Variants in PDE1C observed in about 807,000 individuals in gnomAD.
PDE1C encodes dual specificity calcium/calmodulin-dependent 3',5'-cyclic nucleotide phosphodiesterase 1C.
Under a neutral mutation model 93.1 loss-of-function variants are expected in PDE1C, and 62 were observed. The ratio of observed to expected loss-of-function variants is 0.67; its 90% CI spans 0.54 to 0.82. The LOEUF (loss-of-function observed/expected upper bound fraction) is 0.82. Ranked by LOEUF, PDE1C falls within the 40% of genes least tolerant of loss-of-function variation. The probability of loss-of-function intolerance (pLI) is 0.00; values close to 1 mark genes in which losing one functional copy is unlikely to be tolerated. For missense variants in PDE1C, 742 were observed against 884.6 expected (o/e 0.84, Z 2.04); for synonymous variants, 325 against 310.1 (o/e 1.05, Z -0.50).
At chr7:32,356,937 C>T (rs1381430100) in intron 1 of PDE1C, among the ~76,000 whole-genome samples, 1 of 151,932 alleles carries the variant, frequency 6.6e-6, no homozygotes, top group East Asian at 1.9e-4. Flanking sequence ...CTCGAGGGGA[C>T]ATGCTAGATG....
chr7:32,181,018 T>C (rs1178728455), intron 2 of PDE1C, among the ~76,000 whole-genome samples: 1 of 152,156 alleles, frequency 6.6e-6, no homozygotes, highest in Non-Finnish European at 1.5e-5. Flanking sequence ...ACTTTAAGGA[T>C]TGAAACTGGA....
At chr7:32,241,357 C>T (rs779318937) in intron 1 of PDE1C, among the ~76,000 whole-genome samples, 1 of 152,132 alleles carries the variant, frequency 6.6e-6, no homozygotes, top group Non-Finnish European at 1.5e-5. Flanking sequence ...GTACCTCATA[C>T]CCAAGTGAAG....
At chr7:31,657,261 T>C in the PDE1C span, among the ~76,000 whole-genome samples, 3 of 126,510 alleles carry the variant, frequency 2.4e-5, 1 homozygote, top group South Asian at 5.5e-4. Flanking sequence ...TCTGATTTCC[T>C]GATTTGTTAA....
chr7:31,975,932 A>G (rs546167692), intron 2 of PDE1C, among the ~76,000 whole-genome samples: 1 of 152,340 alleles, frequency 6.6e-6, no homozygotes. Flanking sequence ...AAAGTATCAC[A>G]ACTCAGGTTG....
chr7:32,003,760 T>C (rs765379551), intron 2 of PDE1C, among the ~76,000 whole-genome samples: 1 of 152,228 alleles, frequency 6.6e-6, no homozygotes, highest in Non-Finnish European at 1.5e-5. Flanking sequence ...CTAGGAACTG[T>C]GTAATGAGTG....
Position 32,253,770 on chromosome 7 carries a change from C to T in PDE1C, c.86-44231G>A, listed in dbSNP as rs35082342. 5.6e-3 allele frequency among the ~76,000 whole-genome samples: 852 copies of T among 152,248 alleles called. 7 individuals are homozygous for T. Among genetic ancestry groups the T allele is most frequent in the Non-Finnish European group, 8.1e-3 (551 of 68,022 alleles). On this transcript the variant is annotated intron_variant, in intron 1 of 18. Transcript: ENST00000396193. ...GCGCTGCTGCACAACAAACACAATA[C>T]GCAGACACACACGTATAAGCAGAGC...
chr7:32,203,207 G>C (rs531229874), intron 2 of PDE1C, among the ~76,000 whole-genome samples: 1 of 150,580 alleles, frequency 6.6e-6, no homozygotes, highest in African/African-American at 2.4e-5. Context: ...TTTCTCAGTC[G>C]TTCCTCCCAC....
rs1035787551 is a variant in PDE1C at position 32,139,866 on chromosome 7, C to T, written c.308+29919G>A. Among the ~76,000 whole-genome samples the T allele has an allele frequency of 2.6e-5, 4 of 152,194 alleles. No homozygotes were observed. In the South Asian group the frequency reaches 8.3e-4, roughly 32 times the overall value. ...AGAGCTGTCATCTATGAACATGATG[C>T]TTGGAACCTCAACAGCCATATTGTG... is the stretch of plus-strand genomic sequence containing the variant. On this transcript the variant is annotated intron_variant, in intron 3 of 18. Transcript: ENST00000396193.
At position 31,975,495 on chromosome 7, in the gene PDE1C, T is replaced by A. The variant is rs188267725; in HGVS notation, c.128+76059A>T. Among the ~76,000 whole-genome samples the A allele has an allele frequency of 6.6e-5, 10 of 151,672 alleles. No individual in the cohort carries two copies. The East Asian group carries it at 1.7e-3, about 26-fold the overall frequency. ...AAGGATGGGAGTAACACTGAGGGAG[T>A]CTCTCACATGGACAATTCTAGCAGC... is the stretch of plus-strand genomic sequence containing the variant. On this transcript the variant is annotated intron_variant, in intron 2 of 17. Transcript: ENST00000396191.
chr7:31,801,153 A>G (rs1785973558), intron 16 of PDE1C, among the ~76,000 whole-genome samples: 1 of 151,234 alleles, frequency 6.6e-6, no homozygotes, highest in Non-Finnish European at 1.5e-5. Flanking sequence ...GGATATTAAT[A>G]AAATAGAAAA....
At chr7:32,340,363 A>T (rs1460324571) in intron 1 of PDE1C, among the ~76,000 whole-genome samples, 2 of 152,124 alleles carry the variant, frequency 1.3e-5, no homozygotes, top group East Asian at 3.8e-4. Flanking sequence ...TGTGGAGAAG[A>T]GGGGGAGGAT....
At chr7:31,919,644 A>G (rs973557785) in intron 2 of PDE1C, among the ~76,000 whole-genome samples, 1 of 152,156 alleles carries the variant, frequency 6.6e-6, no homozygotes, top group Non-Finnish European at 1.5e-5. Context: ...AAAAGAAACC[A>G]AAAAAGCAAG....
intron 2 of PDE1C, among the ~76,000 whole-genome samples, chr7:32,171,225 A>C (rs1802627864): frequency 6.6e-6 from 1 of 152,166 alleles, no homozygotes; most frequent in Non-Finnish European, 1.5e-5. Flanking sequence ...AAAACTTATT[A>C]AATAATCAGT....
chr7:31,644,050 A>C, the PDE1C span: 34 of 1,129,312 alleles, frequency 3.0e-5, no homozygotes, highest in Non-Finnish European at 3.7e-5. Context: ...GCAAGATCTC[A>C]GGGCAAACTT....
At chr7:31,745,008 A>G in the PDE1C span, among the ~76,000 whole-genome samples, 6 of 152,328 alleles carry the variant, frequency 3.9e-5, no homozygotes, top group East Asian at 1.9e-4. Context: ...CGACATTTCA[A>G]TCTTTAAACA....
intron 1 of PDE1C, among the ~76,000 whole-genome samples, chr7:32,219,968 T>C (rs745691126): frequency 6.6e-6 from 1 of 152,184 alleles, no homozygotes; most frequent in Non-Finnish European, 1.5e-5. Context: ...TCACGAGATC[T>C]GATGATTTTA....
chr7:31,643,451 A>T, the PDE1C span: 1 of 1,613,888 alleles, frequency 6.2e-7, no homozygotes, highest in South Asian at 1.1e-5. Flanking sequence ...ACAGAAGCTG[A>T]GATGGAAAAC....
chr7:32,369,328 A>C (rs2128087221), intron 1 of PDE1C, among the ~76,000 whole-genome samples: 1 of 152,342 alleles, frequency 6.6e-6, no homozygotes, highest in South Asian at 2.1e-4. Context: ...AAGTAGGCAA[A>C]AGATTGGAAC....
At chr7:32,354,145 C>T (rs750368286) in intron 1 of PDE1C, among the ~76,000 whole-genome samples, 3 of 152,190 alleles carry the variant, frequency 2.0e-5, no homozygotes, top group Non-Finnish European at 4.4e-5. Flanking sequence ...CCAGAAAAAA[C>T]TTAACTGCCA....
Sources: gnomAD v4.1 joint callset for allele counts (sites outside exome capture counted in the v4.1 genomes callset) on GRCh38, gnomAD v4.1.1 for gene constraint, MANE v1.5 for transcripts, NCBI Gene and HGNC (gene_info 2026-07-23, HGNC 2026-07-21) for gene names.